The following RRBP1 variants were observed in gnomAD, a reference collection of about 807,000 sequenced individuals.
RRBP1 encodes the protein ribosome binding protein 1.
RRBP1 carries 94 observed loss-of-function variants against 165.2 expected under a neutral mutation model. The observed-to-expected ratio is 0.57, with a 90% CI of 0.48 to 0.68. The LOEUF is 0.68. Ranked by LOEUF, RRBP1 falls within the 30% of genes least tolerant of loss-of-function variation. The pLI is 0.00. For missense variants in RRBP1, 1,676 were observed against 1,763.0 expected (o/e 0.95, Z 0.88); for synonymous variants, 680 against 714.5 (o/e 0.95, Z 0.77).
chr20:17,658,926 T>C lies in RRBP1; in HGVS notation c.1582A>G (p.Lys528Glu). 6.2e-7 allele frequency: 1 copy of C among 1,613,180 alleles called. No homozygotes were observed. The highest frequency in any genetic ancestry group is 8.5e-7 in the Non-Finnish European group (1 of 1,179,866). ...QGKKTEGAQGKKAERSPNQGK... is the reference protein window; with the variant it reads ...QGKKTEGAQGEKAERSPNQGK... ...TGGTTGGGACTCCTTTCTGCCTTTT[T>C]GCCCTGAGCCCCTTCTGTCTTTTTA... Residue 528 changes from lysine to glutamate, a missense_variant, in exon 3 of 25, where the codon AAA becomes GAA. By Grantham distance (56) the Lys-to-Glu change is moderately conservative. Transcript: ENST00000377813.
chr20:17,637,988 G>A (rs1044568428), intron 5 of RRBP1, among the ~76,000 whole-genome samples: 1 of 152,192 alleles, frequency 6.6e-6, no homozygotes, highest in Non-Finnish European at 1.5e-5. Flanking sequence ...CAAGGCTGGG[G>A]AGCAGCTCTA....
intron 3 of RRBP1, among the ~76,000 whole-genome samples, chr20:17,655,473 G>A (rs749741069): frequency 1.3e-5 from 2 of 152,194 alleles, no homozygotes; most frequent in African/African-American, 2.4e-5. Flanking sequence ...TTTGGCACCC[G>A]ACTTCTCCAA....
At chr20:17,632,565 A>C (rs965816726) in intron 8 of RRBP1, among the ~76,000 whole-genome samples, 1 of 152,174 alleles carries the variant, frequency 6.6e-6, no homozygotes, top group Admixed American at 6.5e-5. Flanking sequence ...ATCACTCTTA[A>C]AATTTCGTGT....
At position 17,658,580 on chromosome 20, in the gene RRBP1, G is replaced by A. The variant is rs763090415; in HGVS notation, c.1912+16C>T. Reference sequence around the variant, plus strand: ...CAGCCTTTCCTTCTAAGTTCATAAAGAAATCAGTTACTTACCAGGCTCACC... The same window carrying A: ...CAGCCTTTCCTTCTAAGTTCATAAAAAAATCAGTTACTTACCAGGCTCACC... On this transcript the variant is annotated intron_variant, in intron 3 of 24. Coordinates refer to ENST00000377813, the MANE Select transcript of RRBP1 (RefSeq NM_001365613.2). 2.6e-6 allele frequency: 4 copies of A among 1,567,136 alleles called. No individual in the cohort carries two copies. Among genetic ancestry groups the A allele is most frequent in the African/African-American group, 2.8e-5 (2 of 72,426 alleles).
intron 2 of RRBP1, among the ~76,000 whole-genome samples, chr20:17,669,153 GA>G (rs1378216939): frequency 6.6e-6 from 1 of 152,148 alleles, no homozygotes; most frequent in Non-Finnish European, 1.5e-5. Context: ...AAGAAGAGTT[GA>G]AACACTAAAA....
intron 23 of RRBP1, 145 bp from the exon 24 acceptor site, chr20:17,615,025 G>A (rs1182543536): frequency 1.1e-6 from 1 of 917,460 alleles, no homozygotes; most frequent in Non-Finnish European, 1.7e-6. Flanking sequence ...GATAGGTGGT[G>A]ACGACAGGGA....
chr20:17,639,042 G>A (rs554640527), intron 5 of RRBP1, among the ~76,000 whole-genome samples: 23 of 152,318 alleles, frequency 1.5e-4, no homozygotes, highest in Admixed American at 3.3e-4. Context: ...GCCAGAACAC[G>A]GGACCAAGCC....
intron 8 of RRBP1, 122 bp downstream of exon 8, chr20:17,633,338 T>C (rs1294946329): frequency 3.8e-6 from 4 of 1,039,714 alleles, no homozygotes; most frequent in Admixed American, 2.2e-5. Flanking sequence ...CCATCATCTG[T>C]CCCAGTCAAG....
rs1255573933 is a variant in RRBP1, at chr20:17,660,466, A to G, written c.42T>C (p.Phe14=). The G allele has an allele frequency of 1.9e-6, 3 of 1,614,046 alleles. No individual in the cohort carries two copies. Among genetic ancestry groups the G allele is most frequent in the East Asian group, 4.5e-5 (2 of 44,902 alleles). The change falls in exon 3 of 25, where the codon TTT becomes TTC. Residue 14 remains phenylalanine (F), a synonymous_variant. Transcript: ENST00000377813. ...TGGCAGAAACAACCATGAATCCTCCAAAGACCACAACCCCCAAGGTTTGAG... is the reference window on the plus strand; with the variant it reads ...TGGCAGAAACAACCATGAATCCTCCGAAGACCACAACCCCCAAGGTTTGAG... ...YDTQTLGVVV[F]GGFMVVSAIG...
intron 23 of RRBP1, among the ~76,000 whole-genome samples, 162 bp downstream of exon 23, chr20:17,615,269 G>A (rs2035775654): frequency 6.6e-6 from 1 of 152,180 alleles, no homozygotes; most frequent in Admixed American, 6.5e-5. Context: ...GCAGGGCTAG[G>A]AGTCCCCACC....
intron 5 of RRBP1, 198 bp downstream of exon 5, chr20:17,641,599 G>A (rs1216429365): frequency 7.8e-6 from 5 of 643,918 alleles, no homozygotes; most frequent in Admixed American, 2.7e-5. Context: ...GTAGAGCCAC[G>A]AGCACTGCCA....
In RRBP1 at chr20:17,641,835, C is replaced by T. The variant is rs760750727; in HGVS notation, c.2146G>A (p.Ala716Thr). 5 of 1,613,874 alleles carry T rather than the reference C, an allele frequency of 3.1e-6. No homozygotes were observed. Among genetic ancestry groups the T allele is most frequent in the Non-Finnish European group, 4.2e-6 (5 of 1,180,022 alleles). The change falls in exon 5 of 25, where the codon GCG (alanine) becomes ACG (threonine). Residue 716 changes from alanine (A) to threonine (T), a missense_variant. This residue lies in a region of RRBP1 where 1,184 missense variants were observed against 1,167.1 expected (regional missense o/e 1.01). Coordinates refer to ENST00000377813, the MANE Select transcript of RRBP1 (RefSeq NM_001365613.2). ...EKLLATEQED[A>T]AVAKSKLREL... Reference sequence around the variant, plus strand: ...CTCAGTTTGCTCTTGGCGACAGCCGCATCTTCCTGTTCTGTGGCCAGCAGT... The same window carrying T: ...CTCAGTTTGCTCTTGGCGACAGCCGTATCTTCCTGTTCTGTGGCCAGCAGT...
rs113306602 is a variant in RRBP1 at position 17,673,148 on chromosome 20, T to C, written c.-22+6851A>G. ...TTTAATAAAGAGTTTAAAATGTGTG[T>C]CATATTTCCTTGGAAAACGCGCCCC... is the stretch of plus-strand genomic sequence containing the variant. On this transcript the variant is annotated intron_variant, in intron 2 of 24. Coordinates refer to ENST00000377813, the MANE Select transcript of RRBP1 (RefSeq NM_001365613.2). 6.9e-3 allele frequency among the ~76,000 whole-genome samples: 1,055 copies of C among 152,352 alleles called. 15 individuals carry two copies. The highest frequency in any genetic ancestry group is 0.024 in the African/African-American group (1,001 of 41,578).
At chr20:17,635,234 AC>A (rs2036226457) in intron 7 of RRBP1, among the ~76,000 whole-genome samples, 1 of 152,016 alleles carries the variant, frequency 6.6e-6, no homozygotes. Flanking sequence ...TGAGATGAGA[AC>A]CCCGCTAGGC....
intron 2 of RRBP1, among the ~76,000 whole-genome samples, chr20:17,666,093 C>G (rs945311452): frequency 1.3e-5 from 2 of 152,186 alleles, no homozygotes; most frequent in African/African-American, 4.8e-5. Context: ...AAAATTTCTA[C>G]TGGAATTTGC....
chr20:17,657,974 A>G (rs78487726), intron 3 of RRBP1, among the ~76,000 whole-genome samples: 2,334 of 152,354 alleles, frequency 0.015, 87 homozygotes, highest in East Asian at 0.073. Context: ...ACAGGCTGAC[A>G]GAACGCAGCC....
intron 3 of RRBP1, among the ~76,000 whole-genome samples, chr20:17,650,688 C>G (rs1568775883): frequency 6.6e-6 from 1 of 152,228 alleles, no homozygotes. Context: ...CTCATGCTAA[C>G]TGTGGGGTCT....
intron 2 of RRBP1, among the ~76,000 whole-genome samples, chr20:17,678,334 G>A (rs557455176): frequency 1.3e-5 from 2 of 152,270 alleles, no homozygotes; most frequent in African/African-American, 4.8e-5. Context: ...TTTGTTACAA[G>A]TCACCATTTT....
intron 2 of RRBP1, among the ~76,000 whole-genome samples, chr20:17,671,641 T>C (rs1205196730): frequency 6.6e-6 from 1 of 152,166 alleles, no homozygotes; most frequent in East Asian, 1.9e-4. Flanking sequence ...TCATGGCCCC[T>C]TGTGGTTCCA....
Sources: allele counts gnomAD v4.1 joint callset (sites outside exome capture counted in the v4.1 genomes callset), GRCh38; gene constraint gnomAD v4.1.1; regional missense constraint gnomAD v4.1.1; transcripts MANE v1.5; gene names NCBI Gene and HGNC (gene_info 2026-07-23, HGNC 2026-07-21).